ANKS1B: variants seen among roughly 807,000 people sequenced by gnomAD.
The protein encoded by ANKS1B is ankyrin repeat and sterile alpha motif domain containing 1B, also known as ankyrin repeat and sterile alpha motif domain-containing protein 1B.
ANKS1B carries 36 observed loss-of-function variants against 148.3 expected under a neutral mutation model. The ratio of observed to expected loss-of-function variants is 0.24; its 90% CI spans 0.19 to 0.32. The LOEUF (loss-of-function observed/expected upper bound fraction) is 0.32. ANKS1B is among the 10% of genes least tolerant of loss of function. The pLI is 1.00. For synonymous variants in ANKS1B, 542 were observed against 560.8 expected, an observed-to-expected ratio of 0.97 and a Z score of 0.47; for missense variants, 1,157 against 1,542.6, an observed-to-expected ratio of 0.75 and a Z score of 4.19.
chr12:99,416,249 C>T (rs2094905501), intron 11 of ANKS1B, among the ~76,000 whole-genome samples: 1 of 152,152 alleles, frequency 6.6e-6, no homozygotes, highest in African/African-American at 2.4e-5. Flanking sequence ...TTTAACCATT[C>T]ACCCAATGAA....
intron 12 of ANKS1B, among the ~76,000 whole-genome samples, chr12:99,306,964 C>G (rs964197675): frequency 1.3e-5 from 2 of 152,132 alleles, no homozygotes; most frequent in South Asian, 4.1e-4. Flanking sequence ...TAAGCCATTA[C>G]TCCACTCCCA....
chr12:99,427,569 G>A (rs1323572514), intron 11 of ANKS1B, among the ~76,000 whole-genome samples: 3 of 152,118 alleles, frequency 2.0e-5, no homozygotes, highest in Non-Finnish European at 4.4e-5. Flanking sequence ...TTAATTTACA[G>A]CCCTGATCAC....
chr12:99,226,758 A>T (rs778603538), intron 14 of ANKS1B, among the ~76,000 whole-genome samples: 33 of 152,304 alleles, frequency 2.2e-4, no homozygotes, highest in Middle Eastern at 3.4e-3. Flanking sequence ...AAGACTAAGA[A>T]CTTTTTGTAC....
chr12:99,122,993 A>ATATATATATATAT (rs57985878), intron 15 of ANKS1B, among the ~76,000 whole-genome samples: 52 of 138,190 alleles, frequency 3.8e-4, no homozygotes, highest in South Asian at 2.1e-3. Context: ...AAAATTAAAA[A>ATATATATATATAT]AAAAATATAT....
chr12:99,494,732 CAAAAAA>C (rs59115173), intron 10 of ANKS1B, among the ~76,000 whole-genome samples: 1 of 55,998 alleles, frequency 1.8e-5, no homozygotes, highest in East Asian at 5.7e-4. Flanking sequence ...CACTCTGTCT[CAAAAAA>C]AAAAAAAAAA....
chr12:99,563,480 G>A (rs1482737394), intron 9 of ANKS1B, among the ~76,000 whole-genome samples: 4 of 152,122 alleles, frequency 2.6e-5, no homozygotes, highest in Admixed American at 2.0e-4. Flanking sequence ...AGAAATAGGG[G>A]AATAGCTAGT....
intron 12 of ANKS1B, among the ~76,000 whole-genome samples, chr12:99,341,780 T>C (rs1484179933): frequency 6.6e-6 from 1 of 151,992 alleles, no homozygotes; most frequent in Non-Finnish European, 1.5e-5. Context: ...GATAAGGAAA[T>C]TGAGCCTTAG....
chr12:98,738,106 A>AG (rs138207539), intron 9 of ANKS1B, among the ~76,000 whole-genome samples: 2,026 of 152,272 alleles, frequency 0.013, 22 homozygotes, highest in Non-Finnish European at 0.022. Flanking sequence ...GGGCAGAAGA[A>AG]GGGGGTCACA....
intron 16 of ANKS1B, among the ~76,000 whole-genome samples, chr12:99,057,915 TG>T: frequency 6.6e-6 from 1 of 152,288 alleles, no homozygotes; most frequent in East Asian, 1.9e-4. Context: ...CCTAGCTCGA[TG>T]GGGCTCAGGA....
At chr12:99,744,739 C>A (rs569218084) in intron 8 of ANKS1B, among the ~76,000 whole-genome samples, 52 of 152,230 alleles carry the variant, frequency 3.4e-4, no homozygotes, top group African/African-American at 1.2e-3. Context: ...TGCCTGTAAT[C>A]CCAGCACTTT....
chr12:98,973,145 T>C (rs183620827), intron 17 of ANKS1B, among the ~76,000 whole-genome samples: 1,660 of 152,116 alleles, frequency 0.011, 12 homozygotes, highest in Non-Finnish European at 0.018. Flanking sequence ...AAATACTTTT[T>C]CTCTAAATCC....
intron 11 of ANKS1B, among the ~76,000 whole-genome samples, chr12:99,405,088 T>C (rs1174150294): frequency 2.1e-5 from 3 of 145,528 alleles, no homozygotes; most frequent in Non-Finnish European, 4.6e-5. Flanking sequence ...AAATAAAGAC[T>C]TTCCCAGACA....
At chr12:98,992,890 G>T (rs1286899493) in intron 17 of ANKS1B, among the ~76,000 whole-genome samples, 1 of 152,090 alleles carries the variant, frequency 6.6e-6, no homozygotes, top group African/African-American at 2.4e-5. Flanking sequence ...TGCCTGTCTT[G>T]TTCTCATCTT....
At chr12:99,981,343 C>G (rs1258530975) in intron 1 of ANKS1B, among the ~76,000 whole-genome samples, 1 of 152,008 alleles carries the variant, frequency 6.6e-6, no homozygotes, top group East Asian at 1.9e-4. Context: ...AAAAGCATAC[C>G]TGATTCCCCA....
In ANKS1B at chr12:99,102,126, G is replaced by A. The variant is rs58609250; in HGVS notation, c.2527-17103C>T. ...GAGAGTGTGTCGTGTCAGATGCCAA[G>A]AGGGTAACGAGTTTCATGAATAAGG... On this transcript the variant is annotated intron_variant, in intron 15 of 26. Transcript: ENST00000683438. Among the ~76,000 whole-genome samples the A allele has an allele frequency of 2.2e-3, 338 of 152,284 alleles. 9 individuals are homozygous for A. The East Asian group carries it at 0.051, about 23-fold the overall frequency.
At chr12:99,793,491 CAAAATAG>C (rs1293668180) in intron 4 of ANKS1B, among the ~76,000 whole-genome samples, 4 of 151,198 alleles carry the variant, frequency 2.6e-5, no homozygotes, top group African/African-American at 9.7e-5. Context: ...ACCAATGGAA[CAAAATAG>C]AAAACCTAGA....
intron 1 of ANKS1B, among the ~76,000 whole-genome samples, chr12:99,963,204 T>C (rs755697832): frequency 2.6e-5 from 4 of 151,986 alleles, no homozygotes; most frequent in Non-Finnish European, 5.9e-5. Context: ...TCTGATGGGG[T>C]TTTTTCTTGT....
intron 17 of ANKS1B, among the ~76,000 whole-genome samples, chr12:99,046,698 C>A (rs1248944656): frequency 6.6e-6 from 1 of 151,542 alleles, no homozygotes; most frequent in Non-Finnish European, 1.5e-5. Flanking sequence ...ACTTGGAAGG[C>A]TGAGGCAGAA....
intron 16 of ANKS1B, among the ~76,000 whole-genome samples, chr12:99,057,946 T>A (rs1190160826): frequency 6.6e-6 from 1 of 152,194 alleles, no homozygotes; most frequent in Admixed American, 6.5e-5. Flanking sequence ...TGAAGTTAGC[T>A]GAAGCACAGC....
Sources: gnomAD v4.1 joint callset for allele counts (sites outside exome capture counted in the v4.1 genomes callset) on GRCh38, gnomAD v4.1.1 for gene constraint, MANE v1.5 for transcripts, NCBI Gene and HGNC (gene_info 2026-07-23, HGNC 2026-07-21) for gene names.